CDH13: variants seen among roughly 807,000 people sequenced by gnomAD.
The protein encoded by CDH13 is cadherin-13.
Under a neutral mutation model 63.8 loss-of-function variants are expected in CDH13, and 24 were observed. The observed-to-expected ratio is 0.38, with a 90% CI of 0.27 to 0.53. CDH13 has a LOEUF of 0.53. CDH13 is among the 20% of genes least tolerant of loss of function. The pLI is 0.85. For synonymous variants in CDH13, 503 were observed against 355.3 expected (o/e 1.42, Z -4.67); for missense variants, 1,049 against 903.1 (o/e 1.16, Z -2.07).
At chr16:83,220,519 G>A (rs1467851316) in intron 5 of CDH13, among the ~76,000 whole-genome samples, 1 of 151,652 alleles carries the variant, frequency 6.6e-6, no homozygotes, top group Non-Finnish European at 1.5e-5. Flanking sequence ...GAGAGAGCCG[G>A]GTGCAGCACA....
chr16:83,525,337 A>G (rs2074937419), intron 7 of CDH13, among the ~76,000 whole-genome samples: 1 of 152,260 alleles, frequency 6.6e-6, no homozygotes, highest in Non-Finnish European at 1.5e-5. Context: ...CCTTCTGGAC[A>G]ACAACGTAAA....
At chr16:83,432,216 C>T (rs901093487) in intron 6 of CDH13, among the ~76,000 whole-genome samples, 23 of 152,144 alleles carry the variant, frequency 1.5e-4, no homozygotes, top group African/African-American at 4.6e-4. Context: ...GGTTGTCATG[C>T]ATTTGGAATA....
intron 4 of CDH13, among the ~76,000 whole-genome samples, chr16:83,155,044 C>G (rs749366762): frequency 6.6e-6 from 1 of 152,262 alleles, no homozygotes; most frequent in East Asian, 1.9e-4. Context: ...GATGTTCAGA[C>G]ATTGAGTTAT....
chr16:83,207,193 C>T (rs1339730719), intron 4 of CDH13, among the ~76,000 whole-genome samples: 3 of 152,174 alleles, frequency 2.0e-5, no homozygotes, highest in Admixed American at 6.5e-5. Context: ...ATCTCCAGAA[C>T]GTTTTCATCT....
rs374949609 is a variant in CDH13, at chr16:83,280,056, C to CT, written c.636+62560dup. Among the ~76,000 whole-genome samples, 242 of 152,236 alleles carry CT rather than the reference C, an allele frequency of 1.6e-3. 2 individuals are homozygous for CT. Among genetic ancestry groups the CT allele is most frequent in the African/African-American group, 5.2e-3 (218 of 41,544 alleles). On this transcript the variant is annotated intron_variant, in intron 5 of 13. Transcript: ENST00000567109. ...TGCAGATTGATCAGGGTGGTGGTTG[C>CT]TGAAGGATAGTATGCAGGGTACTGC...
intron 5 of CDH13, among the ~76,000 whole-genome samples, chr16:83,334,422 A>C (rs2090548534): frequency 6.7e-6 from 1 of 148,566 alleles, no homozygotes. Context: ...CCTAGGCTAG[A>C]GTGCAGTTGC....
At chr16:83,271,024 T>G (rs568769519) in intron 5 of CDH13, among the ~76,000 whole-genome samples, 4 of 151,342 alleles carry the variant, frequency 2.6e-5, no homozygotes, top group Non-Finnish European at 4.4e-5. Context: ...TCACTCTAAG[T>G]GCTAAGTATA....
chr16:83,018,964 A>C (rs535709523), intron 2 of CDH13, among the ~76,000 whole-genome samples: 11 of 152,336 alleles, frequency 7.2e-5, no homozygotes, highest in African/African-American at 2.6e-4. Flanking sequence ...TGGGTGAGTC[A>C]GTGAGTGAGT....
chr16:83,450,473 T>G (rs2072856317), intron 6 of CDH13, among the ~76,000 whole-genome samples: 1 of 152,212 alleles, frequency 6.6e-6, no homozygotes, highest in East Asian at 1.9e-4. Context: ...AGTATCTGAT[T>G]CATTACCAGG....
intron 5 of CDH13, among the ~76,000 whole-genome samples, chr16:83,241,972 T>G (rs1332816598): frequency 6.6e-6 from 1 of 152,206 alleles, no homozygotes; most frequent in Middle Eastern, 3.2e-3. Context: ...GTTTTAGGTC[T>G]CACATTTAGG....
intron 4 of CDH13, among the ~76,000 whole-genome samples, chr16:83,145,186 C>G (rs1345318994): frequency 2.6e-5 from 4 of 152,162 alleles, no homozygotes; most frequent in Non-Finnish European, 5.9e-5. Flanking sequence ...CAGTGATGAG[C>G]TGTTTGTCAG....
intron 1 of CDH13, among the ~76,000 whole-genome samples, chr16:82,756,446 A>T (rs751277969): frequency 6.6e-6 from 1 of 152,166 alleles, no homozygotes; most frequent in Non-Finnish European, 1.5e-5. Flanking sequence ...CTCATGTGCA[A>T]GCTGCTCCTT....
At chr16:83,602,662 CACGT>C in intron 8 of CDH13, 68 bp downstream of exon 8, 1 of 1,493,194 alleles carries the variant, frequency 6.7e-7, no homozygotes, top group East Asian at 2.3e-5. Context: ...GATGTTAATT[CACGT>C]ACCACAGCAC....
At chr16:83,149,820 T>G (rs1382258924) in intron 4 of CDH13, among the ~76,000 whole-genome samples, 1 of 152,178 alleles carries the variant, frequency 6.6e-6, no homozygotes, top group Non-Finnish European at 1.5e-5. Context: ...CGATGTCTTG[T>G]TGGTAGTTGA....
chr16:83,373,746 A>G (rs1359214848), intron 6 of CDH13, among the ~76,000 whole-genome samples: 1 of 152,200 alleles, frequency 6.6e-6, no homozygotes, highest in Non-Finnish European at 1.5e-5. Context: ...TCACTAGTTG[A>G]GGGATCTTCG....
intron 2 of CDH13, among the ~76,000 whole-genome samples, chr16:82,925,613 A>G (rs1314249383): frequency 1.3e-5 from 2 of 152,332 alleles, no homozygotes; most frequent in South Asian, 4.1e-4. Flanking sequence ...AGGAATGGGT[A>G]TGGCATGGCC....
chr16:83,724,957 C>T (rs926746704), intron 10 of CDH13, among the ~76,000 whole-genome samples: 1 of 152,170 alleles, frequency 6.6e-6, no homozygotes, highest in Non-Finnish European at 1.5e-5. Context: ...CCAATCAATG[C>T]AAATTAAGCC....
intron 1 of CDH13, among the ~76,000 whole-genome samples, chr16:82,675,961 C>T (rs1304486300): frequency 1.3e-5 from 2 of 152,170 alleles, no homozygotes; most frequent in Non-Finnish European, 2.9e-5. Flanking sequence ...TCCCTGTGAA[C>T]CTGCTTCCCT....
At chr16:83,486,792 G>T in intron 7 of CDH13, 137 bp downstream of exon 7, 1 of 767,034 alleles carries the variant, frequency 1.3e-6, no homozygotes, top group Non-Finnish European at 2.1e-6. Flanking sequence ...TGTTTTGGTG[G>T]GGAAAATCTA....
Sources: gnomAD v4.1 joint callset for allele counts (sites outside exome capture counted in the v4.1 genomes callset) on GRCh38, gnomAD v4.1.1 for gene constraint, MANE v1.5 for transcripts, NCBI Gene and HGNC (gene_info 2026-07-23, HGNC 2026-07-21) for gene names.